The following FOCAD variants were observed in gnomAD, a reference collection of about 807,000 sequenced individuals.
FOCAD encodes the protein KIAA1797.
A neutral mutation model predicts 225.6 loss-of-function variants in FOCAD; 198 were observed. The observed-to-expected ratio is 0.88, with a 90% CI of 0.78 to 0.99. The LOEUF (loss-of-function observed/expected upper bound fraction) is 0.99. Among genes scored for constraint, FOCAD ranks in the 50% least tolerant of loss-of-function variants. The pLI, the probability that FOCAD is intolerant of heterozygous loss-of-function variation, is 0.00. For synonymous variants in FOCAD, 897 were observed against 755.0 expected, an observed-to-expected ratio of 1.19 and a Z score of -3.08; for missense variants, 2,713 against 2,123.6, an observed-to-expected ratio of 1.28 and a Z score of -5.46.
chr9:20,947,317 A>G lies in FOCAD; in HGVS notation c.3675+497A>G, dbSNP rs78702484. The stretch of plus-strand genomic sequence containing the variant: ...TTCCTGTGAAATATTATTCAACCTT[A>G]AAAAAGAAGGAAGTTCTGATATGTA... On this transcript the variant is annotated intron_variant, in intron 30 of 43. Coordinates refer to ENST00000338382, the MANE Select transcript of FOCAD (RefSeq NM_001375567.1). 6.7e-3 allele frequency among the ~76,000 whole-genome samples: 1,021 copies of G among 152,308 alleles called. 13 individuals carry two copies. The highest frequency in any genetic ancestry group is 0.023 in the African/African-American group (961 of 41,572).
At chr9:20,920,593 GAA>G (rs199934477) in intron 24 of FOCAD, among the ~76,000 whole-genome samples, 128,771 of 129,192 alleles carry the variant, frequency 1, 64,175 homozygotes, top group South Asian at 1. Context: ...ACTGGATTAA[GAA>G]AATGTGGCAC....
At chr9:20,866,887 G>GTTTTTTTTTTTTTTTTTTTTTTTT in intron 17 of FOCAD, 42 bp from the exon 18 acceptor site, 1 of 451,116 alleles carries the variant, frequency 2.2e-6, no homozygotes, top group South Asian at 3.3e-5. Flanking sequence ...TTGTTTGCTT[G>GTTTTTTTTTTTTTTTTTTTTTTTT]CTTTTTTTTT....
At chr9:20,905,348 T>C (rs903152051) in intron 21 of FOCAD, among the ~76,000 whole-genome samples, 2 of 152,010 alleles carry the variant, frequency 1.3e-5, no homozygotes, top group African/African-American at 4.8e-5. Flanking sequence ...TTGCTCATTT[T>C]CATTTACATT....
intron 10 of FOCAD, among the ~76,000 whole-genome samples, chr9:20,785,742 A>T (rs965766935): frequency 6.6e-6 from 1 of 152,138 alleles, no homozygotes; most frequent in Admixed American, 6.6e-5. Context: ...GTGTGGACAA[A>T]TGTTTTCATT....
chr9:20,991,623 G>A (rs1841674164), intron 42 of FOCAD, among the ~76,000 whole-genome samples: 1 of 151,948 alleles, frequency 6.6e-6, no homozygotes, highest in Middle Eastern at 3.2e-3. Context: ...GTCCAACCTG[G>A]CCAACATGAT....
chr9:20,808,438 G>A (rs1822699023), intron 11 of FOCAD, among the ~76,000 whole-genome samples: 2 of 152,108 alleles, frequency 1.3e-5, no homozygotes, highest in Non-Finnish European at 2.9e-5. Context: ...TAAGTATACT[G>A]GAATAAAGGT....
At chr9:20,770,282 G>A (rs372465182) in intron 8 of FOCAD, 44 bp downstream of exon 8, 8 of 1,513,164 alleles carry the variant, frequency 5.3e-6, no homozygotes, top group Middle Eastern at 1.7e-4. Context: ...TTGCTATTAA[G>A]AAATACCTGA....
chr9:20,701,632 C>G (rs940480101), intron 1 of FOCAD, among the ~76,000 whole-genome samples: 3 of 152,142 alleles, frequency 2.0e-5, no homozygotes, highest in Admixed American at 1.3e-4. Context: ...TGAACTTAAA[C>G]TGAACAGTCA....
At position 20,870,975 on chromosome 9, in the gene FOCAD, G is replaced by A. The variant is rs1009823667; in HGVS notation, c.2191-3706G>A. On this transcript the variant is annotated intron_variant, in intron 18 of 43. Transcript: ENST00000338382. Reference sequence around the variant, plus strand: ...CCCAGCACTTTGGGAGGCCAAGGCAGGCAGATCACTAGAGGTCAGGAGTTT... The same window carrying A: ...CCCAGCACTTTGGGAGGCCAAGGCAAGCAGATCACTAGAGGTCAGGAGTTT... Among the ~76,000 whole-genome samples, 3 of 152,110 alleles carry A rather than the reference G, an allele frequency of 2.0e-5. No homozygotes were observed. The South Asian group carries it at 6.2e-4, about 32-fold the overall frequency.
intron 2 of FOCAD, among the ~76,000 whole-genome samples, chr9:20,666,535 A>C (rs1821904335): frequency 6.6e-6 from 1 of 152,174 alleles, no homozygotes; most frequent in Non-Finnish European, 1.5e-5. Context: ...ACTCCCCTGC[A>C]CTCAAGCCTG....
At chr9:20,940,211 T>A (rs1355715826) in intron 28 of FOCAD, among the ~76,000 whole-genome samples, 1 of 152,008 alleles carries the variant, frequency 6.6e-6, no homozygotes, top group East Asian at 1.9e-4. Context: ...AACTTTTAGT[T>A]CTACGGTTAA....
At chr9:20,823,677 G>T (rs1033739718) in intron 15 of FOCAD, among the ~76,000 whole-genome samples, 2 of 152,092 alleles carry the variant, frequency 1.3e-5, no homozygotes, top group South Asian at 2.1e-4. Context: ...TGTGGTAATT[G>T]CACCAAAGAT....
At chr9:20,897,451 C>G (rs1323201715) in intron 21 of FOCAD, among the ~76,000 whole-genome samples, 2 of 149,858 alleles carry the variant, frequency 1.3e-5, no homozygotes, top group East Asian at 3.9e-4. Context: ...CTTTATTCTG[C>G]TTTTGTATTC....
At chr9:20,799,596 A>ACAC (rs1564005860) in intron 11 of FOCAD, among the ~76,000 whole-genome samples, 2 of 152,254 alleles carry the variant, frequency 1.3e-5, no homozygotes, top group South Asian at 2.1e-4. Flanking sequence ...CTTTACCATT[A>ACAC]TGTAATGGCC....
chr9:20,872,597 C>CTTCT (rs1829884549), intron 18 of FOCAD, among the ~76,000 whole-genome samples: 1 of 150,628 alleles, frequency 6.6e-6, no homozygotes, highest in Non-Finnish European at 1.5e-5. Flanking sequence ...TCCATAGCTC[C>CTTCT]TTCCTTCCTT....
intron 15 of FOCAD, 139 bp downstream of exon 15, chr9:20,823,254 A>G: frequency 2.2e-6 from 2 of 912,376 alleles, no homozygotes; most frequent in Non-Finnish European, 3.1e-6. Context: ...GGAAAAGTGA[A>G]GCAAGACCTA....
chr9:20,885,001 G>A (rs1830988813), intron 20 of FOCAD, 108 bp from the exon 21 acceptor site: 3 of 549,678 alleles, frequency 5.5e-6, no homozygotes, highest in Non-Finnish European at 7.4e-6. Flanking sequence ...GGAGGTTGCA[G>A]TGAGCTGAGA....
Position 20,929,055 on chromosome 9 carries a change from G to A in FOCAD, c.3079-303G>A, listed in dbSNP as rs892765415. The A allele has an allele frequency of 3.0e-4, 71 of 237,596 alleles. 1 individual carries two copies. The highest frequency in any genetic ancestry group is 1.6e-3 in the African/African-American group (69 of 43,756). The allele number at this position is 237,596 out of a possible 1,614,324, so 14.7% of individuals were successfully genotyped here. On this transcript the variant is annotated intron_variant, in intron 26 of 43. Coordinates refer to ENST00000338382, the MANE Select transcript of FOCAD (RefSeq NM_001375567.1). The stretch of plus-strand genomic sequence containing the variant: ...AATATATATACATGTGGGCTTTTAG[G>A]AACACTGAAATTGTTTCAAGCCTTA...
chr9:20,989,248 G>C (rs945467388), intron 41 of FOCAD, among the ~76,000 whole-genome samples: 1 of 152,134 alleles, frequency 6.6e-6, no homozygotes, highest in African/African-American at 2.4e-5. Flanking sequence ...ATTTTAATTT[G>C]TGAGTTTAGG....
Sources: allele counts gnomAD v4.1 joint callset (sites outside exome capture counted in the v4.1 genomes callset), GRCh38; gene constraint gnomAD v4.1.1; transcripts MANE v1.5; gene names NCBI Gene and HGNC (gene_info 2026-07-23, HGNC 2026-07-21).